SERPINA4: variants seen among roughly 807,000 people sequenced by gnomAD.
SERPINA4 encodes the protein kallistatin.
In SERPINA4, 24 loss-of-function variants were observed where a neutral mutation model predicts 25.4. The observed-to-expected ratio is 0.95, with a 90% confidence interval of 0.69 to 1.33. The LOEUF (loss-of-function observed/expected upper bound fraction) is 1.33, where lower values mean the gene tolerates loss of function less well. Among genes scored for constraint, SERPINA4 ranks in the 40% most tolerant of loss-of-function variants. The pLI is 0.00. For synonymous variants in SERPINA4, 242 were observed against 223.6 expected, an observed-to-expected ratio of 1.08 and a Z score of -0.73; for missense variants, 553 against 535.8, an observed-to-expected ratio of 1.03 and a Z score of -0.32.
chr14:94,565,666 C>T (rs372416709), intron 2 of SERPINA4, among the ~76,000 whole-genome samples: 2 of 136,560 alleles, frequency 1.5e-5, no homozygotes, highest in East Asian at 4.3e-4. Context: ...GCCAACATGG[C>T]AAAACCCTGT....
At chr14:94,567,742 AC>A (rs1478075387) in intron 3 of SERPINA4, among the ~76,000 whole-genome samples, 1 of 152,260 alleles carries the variant, frequency 6.6e-6, no homozygotes, top group Non-Finnish European at 1.5e-5. Flanking sequence ...GAAAATTCAC[AC>A]AACTTTCATG....
chr14:94,569,162 G>T (rs1406840889), intron 4 of SERPINA4, among the ~76,000 whole-genome samples: 3 of 152,194 alleles, frequency 2.0e-5, no homozygotes, highest in African/African-American at 7.2e-5. Context: ...TGCATGCAAA[G>T]CCCCGGGCAC....
Position 94,566,966 on chromosome 14 carries a change from T to G in SERPINA4, c.650-4T>G. 2 of 1,611,552 alleles carry G rather than the reference T, an allele frequency of 1.2e-6. No homozygotes were observed. Among genetic ancestry groups the G allele is most frequent in the Non-Finnish European group, 1.7e-6 (2 of 1,178,290 alleles). On this transcript the variant is annotated splice_region_variant and splice_polypyrimidine_tract_variant and intron_variant, in intron 2 of 4. Coordinates refer to ENST00000557004, the MANE Select transcript of SERPINA4 (RefSeq NM_006215.4). The stretch of plus-strand genomic sequence containing the variant: ...CCTGTACCTTCTTTTCATCTTCCCT[T>G]CAGCCCTGTGGGAGAAACCATTCAT...
chr14:94,566,995 C>T lies in SERPINA4; in HGVS notation c.675C>T (p.Ser225=), dbSNP rs752132720. ...CCCTGTGGGAGAAACCATTCATTTC[C>T]TCAAGGACCACTCCCAAAGACTTCT... ...FKALWEKPFI[S]SRTTPKDFYV... is the part of the protein sequence containing the mutation. Residue 225 remains serine (S), a synonymous_variant, in exon 3 of 5, where the codon TCC becomes TCT. Transcript: ENST00000557004. 3 of 1,614,104 alleles carry T rather than the reference C, an allele frequency of 1.9e-6. No homozygotes were observed. Among genetic ancestry groups the T allele is most frequent in the Non-Finnish European group, 1.7e-6 (2 of 1,179,960 alleles).
chr14:94,562,297 A>T (rs1176081229), intron 1 of SERPINA4, among the ~76,000 whole-genome samples: 1 of 152,104 alleles, frequency 6.6e-6, no homozygotes, highest in East Asian at 1.9e-4. Context: ...TTGCAGAAAA[A>T]GTTTTCTGAG....
intron 2 of SERPINA4, 129 bp downstream of exon 2, chr14:94,564,260 C>T (rs1902133125): frequency 1.1e-6 from 1 of 898,720 alleles, no homozygotes; most frequent in Admixed American, 2.1e-5. Flanking sequence ...GTTGAGCAAC[C>T]CTCAGGGAAT....
rs1902092344 is a variant in SERPINA4 at position 94,563,526 on chromosome 14, T to C, written c.44T>C (p.Leu15Pro). 2 of 1,614,108 alleles carry C rather than the reference T, an allele frequency of 1.2e-6. No individual in the cohort carries two copies. Among genetic ancestry groups the C allele is most frequent in the Non-Finnish European group, 1.7e-6 (2 of 1,180,032 alleles). Reference protein sequence around the residue: ...DYLLLLLVGLLALSHGQLHVE... With the variant: ...DYLLLLLVGLPALSHGQLHVE... ...CTGCTCCTCCTGCTGGTTGGACTAC[T>C]GGCCCTTTCTCATGGCCAGCTGCAC... The change falls in exon 2 of 5, where the codon CTG (leucine) becomes CCG (proline). Residue 15 changes from leucine to proline, a missense_variant. Transcript: ENST00000557004.
Position 94,563,551 on chromosome 14 carries a change from C to T in SERPINA4, c.69C>T (p.His23=), listed in dbSNP as rs192642899. 1.9e-4 allele frequency: 314 copies of T among 1,614,038 alleles called. No homozygotes were observed. The highest frequency in any genetic ancestry group is 2.4e-4 in the African/African-American group (18 of 75,028). ...TGGCCCTTTCTCATGGCCAGCTGCA[C>T]GTTGAGCATGATGGTGAGAGTTGCA... ...GLLALSHGQL[H]VEHDGESCSN... is the part of the protein sequence containing the mutation. The change falls in exon 2 of 5, where the codon CAC becomes CAT. Residue 23 remains histidine (H), a synonymous_variant. Transcript: ENST00000557004.
rs542522149 is a variant in SERPINA4 at position 94,563,852 on chromosome 14, C to T, written c.370C>T (p.Leu124Phe). ...ESDVHRGFQH[L>F]LHTLNLPGHG... ...CGATGTCCATAGGGGCTTCCAGCAC[C>T]TCCTGCACACTCTCAACCTCCCCGG... The change falls in exon 2 of 5, where the codon CTC becomes TTC. Residue 124 changes from leucine to phenylalanine, a missense_variant. Leu to Phe is a conservative substitution (Grantham distance 22). Transcript: ENST00000557004. 21 of 1,614,170 alleles carry T rather than the reference C, an allele frequency of 1.3e-5. No individual in the cohort carries two copies. The African/African-American group carries it at 2.8e-4, about 22-fold the overall frequency.
intron 2 of SERPINA4, among the ~76,000 whole-genome samples, chr14:94,565,051 G>A (rs981002426): frequency 3.3e-5 from 5 of 152,186 alleles, no homozygotes; most frequent in African/African-American, 7.2e-5. Context: ...TCAAGTCAAT[G>A]GTAAGGAGAT....
At chr14:94,565,401 G>A (rs1392886050) in intron 2 of SERPINA4, among the ~76,000 whole-genome samples, 1 of 152,134 alleles carries the variant, frequency 6.6e-6, no homozygotes, top group Non-Finnish European at 1.5e-5. Context: ...AATCTACTTC[G>A]AAATCTCACA....
intron 3 of SERPINA4, among the ~76,000 whole-genome samples, 161 bp from the exon 4 acceptor site, chr14:94,567,968 T>C (rs1902273482): frequency 6.6e-6 from 1 of 152,200 alleles, no homozygotes; most frequent in Non-Finnish European, 1.5e-5. Context: ...ACCTGGCCTT[T>C]CAACATCCAT....
chr14:94,565,200 C>T (rs1422853602), intron 2 of SERPINA4, among the ~76,000 whole-genome samples: 1 of 152,206 alleles, frequency 6.6e-6, no homozygotes, highest in Non-Finnish European at 1.5e-5. Flanking sequence ...ATGCCAGGCT[C>T]AACCAGCCAT....
intron 3 of SERPINA4, among the ~76,000 whole-genome samples, chr14:94,567,745 A>G (rs17091075): frequency 0.12 from 17,597 of 152,302 alleles, 1,107 homozygotes; most frequent in Non-Finnish European, 0.14. Context: ...AATTCACACA[A>G]CTTTCATGAT....
chr14:94,564,159 A>C (rs1307385086), intron 2 of SERPINA4, 28 bp downstream of exon 2: 2 of 1,589,266 alleles, frequency 1.3e-6, no homozygotes, highest in African/African-American at 2.7e-5. Context: ...GGTATATGCT[A>C]AATCCACACC....
intron 2 of SERPINA4, among the ~76,000 whole-genome samples, chr14:94,565,706 AAAT>A (rs1197584738): frequency 2.7e-5 from 4 of 150,676 alleles, no homozygotes; most frequent in Non-Finnish European, 5.9e-5. Context: ...AAAAAAAAAA[AAAT>A]TAGCCAGGCT....
chr14:94,569,449 G>A lies in SERPINA4; in HGVS notation c.1138G>A (p.Ala380Thr), dbSNP rs751306367. ...VDEAGTEAAA[A>T]TSFAIKFFSA... ...TGAGGCTGGCACCGAGGCTGCAGCA[G>A]CCACCAGCTTCGCGATCAAATTCTT... The change falls in exon 5 of 5, where the codon GCC becomes ACC. Residue 380 changes from alanine to threonine, a missense_variant. Ala to Thr is a moderately conservative substitution (Grantham distance 58). Coordinates refer to ENST00000557004, the MANE Select transcript of SERPINA4 (RefSeq NM_006215.4). The A allele has an allele frequency of 2.5e-6, 4 of 1,614,082 alleles. No homozygotes were observed. The highest frequency in any genetic ancestry group is 3.4e-6 in the Non-Finnish European group (4 of 1,180,050).
At chr14:94,563,153 T>C (rs1902078199) in intron 1 of SERPINA4, among the ~76,000 whole-genome samples, 1 of 152,200 alleles carries the variant, frequency 6.6e-6, no homozygotes, top group Admixed American at 6.5e-5. Flanking sequence ...TGAGTCACTT[T>C]GGGAGTCTTC....
At chr14:94,562,277 A>C (rs1902052890) in intron 1 of SERPINA4, among the ~76,000 whole-genome samples, 1 of 152,170 alleles carries the variant, frequency 6.6e-6, no homozygotes, top group South Asian at 2.1e-4. Flanking sequence ...AGATATTACT[A>C]TCTGGCGCTT....
Sources: allele counts gnomAD v4.1 joint callset (sites outside exome capture counted in the v4.1 genomes callset), GRCh38; gene constraint gnomAD v4.1.1; transcripts MANE v1.5; gene names NCBI Gene and HGNC (gene_info 2026-07-23, HGNC 2026-07-21).